EML2: variants seen among roughly 807,000 people sequenced by gnomAD.
EML2 encodes EMAP like 2.
In EML2, 59 loss-of-function variants were observed where a neutral mutation model predicts 84.7. The observed-to-expected ratio is 0.70, with a 90% CI of 0.56 to 0.86. The LOEUF (loss-of-function observed/expected upper bound fraction) is 0.86, where lower values mean the gene tolerates loss of function less well. EML2 is among the 40% of genes least tolerant of loss of function. The pLI is 0.00. For synonymous variants in EML2, 352 were observed against 348.9 expected (o/e 1.01, Z -0.10); for missense variants, 818 against 855.6 (o/e 0.96, Z 0.55).
intron 11 of EML2, among the ~76,000 whole-genome samples, chr19:45,620,636 AG>A (rs1971571322): frequency 6.7e-6 from 1 of 149,876 alleles, no homozygotes; most frequent in African/African-American, 2.5e-5. Context: ...TTGAAGCGGG[AG>A]GCAGAGTTTG....
upstream of EML2, chr19:45,639,886 T>TG (rs1974254841): frequency 6.6e-6 from 1 of 152,080 alleles, no homozygotes; most frequent in South Asian, 2.1e-4. Flanking sequence ...CCCAGCTACT[T>TG]GGGAGGCTGA....
intron 9 of EML2, chr19:45,623,369 A>C (rs992312314): frequency 2.0e-5 from 3 of 151,494 alleles, no homozygotes; most frequent in Non-Finnish European, 2.9e-5. Flanking sequence ...CCTCATCTCT[A>C]CAACAAATAC....
At chr19:45,630,320 G>A (rs781419582) in intron 6 of EML2, among the ~76,000 whole-genome samples, 1 of 152,078 alleles carries the variant, frequency 6.6e-6, no homozygotes, top group Non-Finnish European at 1.5e-5. Flanking sequence ...TTGGGAGGCC[G>A]AGGCAGGTGG....
chr19:45,613,165 T>G (rs2122596677), intron 18 of EML2, among the ~76,000 whole-genome samples: 1 of 152,280 alleles, frequency 6.6e-6, no homozygotes, highest in East Asian at 1.9e-4. Context: ...TTGCAAAGTG[T>G]TGCGATTACA....
chr19:45,643,651 A>T (rs1974800687), upstream of EML2: 17 of 1,535,986 alleles, frequency 1.1e-5, no homozygotes, highest in Non-Finnish European at 1.5e-5. Context: ...GGTAGCTTAG[A>T]CGGGGACAGG....
chr19:45,630,034 G>T lies in EML2; in HGVS notation c.523C>A (p.Leu175Met). Residue 175 changes from leucine to methionine, a missense_variant, in exon 7 of 19, where the codon CTG (leucine) becomes ATG (methionine). By Grantham distance (15) the Leu-to-Met change is conservative. Transcript: ENST00000245925. The part of the protein sequence containing the change: ...VGFSKSNGGN[L>M]LCAVDESNDH... ...TTGGATTCATCCACTGCACACAGCA[G>T]GTTGCCTCCATTCTAAAGAGGAGGA... 2 of 1,612,532 alleles carry T rather than the reference G, an allele frequency of 1.2e-6. No homozygotes were observed. The highest frequency in any genetic ancestry group is 2.2e-5 in the South Asian group (2 of 91,024).
Position 45,634,417 on chromosome 19 carries a change from C to T in EML2, c.234G>A (p.Gly78=). ...CGGAGGCCACAAAGTACACTATCTC[C>T]CCGGTGGGCAGCAAATAAAGGTTGG... ...CRANLYLLPT[G]EIVYFVASVA... is the part of the protein sequence containing the mutation. Residue 78 remains glycine, a synonymous_variant, in exon 4 of 19, where the codon GGG becomes GGA. Transcript: ENST00000245925. The T allele has an allele frequency of 6.2e-7, 1 of 1,614,032 alleles. No homozygotes were observed. Among genetic ancestry groups the T allele is most frequent in the Non-Finnish European group, 8.5e-7 (1 of 1,179,962 alleles).
intron 16 of EML2, 31 bp downstream of exon 16, chr19:45,615,771 A>C (rs777409752): frequency 1.3e-6 from 2 of 1,561,560 alleles, no homozygotes; most frequent in South Asian, 2.2e-5. Flanking sequence ...GAGACGGAGG[A>C]AGTAATGTCT....
Position 45,626,694 on chromosome 19 carries a change from C to T in EML2, c.741+11G>A, listed in dbSNP as rs780442611. 5 of 1,612,224 alleles carry T rather than the reference C, an allele frequency of 3.1e-6. No homozygotes were observed. The highest frequency in any genetic ancestry group is 2.7e-5 in the African/African-American group (2 of 75,012). ...CAGGGCCAGCCTGTCCCCCAAACCC[C>T]TGGCACTCACCTCAAAGAGGCCTTG... is the stretch of plus-strand genomic sequence containing the variant. On this transcript the variant is annotated intron_variant, in intron 8 of 18. Transcript: ENST00000245925.
intron 18 of EML2, among the ~76,000 whole-genome samples, chr19:45,610,139 T>C (rs575232948): frequency 4.0e-4 from 61 of 152,344 alleles, no homozygotes; most frequent in African/African-American, 1.4e-3. Flanking sequence ...GGCTCACGCC[T>C]GTAATCCCAG....
upstream of EML2, chr19:45,641,331 G>T: frequency 3.3e-6 from 1 of 304,422 alleles, no homozygotes; most frequent in Non-Finnish European, 6.3e-6. Flanking sequence ...AAACTCAACG[G>T]GGCCTCTCCT....
At chr19:45,638,147 T>G (rs747498692) in intron 3 of EML2, among the ~76,000 whole-genome samples, 7 of 152,206 alleles carry the variant, frequency 4.6e-5, no homozygotes, top group Non-Finnish European at 7.3e-5. Context: ...TACACATTAT[T>G]TCACAGGTCT....
intron 7 of EML2, among the ~76,000 whole-genome samples, chr19:45,627,430 T>C (rs1003169361): frequency 6.6e-6 from 1 of 151,454 alleles, no homozygotes; most frequent in Admixed American, 6.6e-5. Flanking sequence ...AATTTTTGTA[T>C]TTTTAGTAGA....
chr19:45,624,834 A>G lies in EML2; in HGVS notation c.742-16T>C. On this transcript the variant is annotated splice_polypyrimidine_tract_variant and intron_variant, in intron 8 of 18. Transcript: ENST00000245925. ...TCTCATGTTTCTAAGGTGGGGGAGG[A>G]AAGGAAGGTGTCAGAGCGTCACTGA... is the stretch of plus-strand genomic sequence containing the variant. The G allele has an allele frequency of 1.3e-6, 2 of 1,591,854 alleles. 1 individual carries two copies. Among genetic ancestry groups the G allele is most frequent in the Middle Eastern group, 3.4e-4 (2 of 5,878 alleles).
chr19:45,641,837 T>C (rs1974542469), upstream of EML2: 3 of 1,497,358 alleles, frequency 2.0e-6, no homozygotes, highest in Admixed American at 2.1e-5. Flanking sequence ...CACCCTCTGC[T>C]GCTGGAGCTC....
In EML2 at chr19:45,624,752, C is replaced by T; in HGVS notation, c.808G>A (p.Asp270Asn). The T allele has an allele frequency of 6.2e-7, 1 of 1,613,884 alleles. No individual in the cohort carries two copies. ...CAAACATAGAGGTTCCCCCCAGAGT[C>T]CCCCGTGACCACGTCGCCACCTTCC... ...FLEGGDVVTG[D>N]SGGNLYVWGK... The change falls in exon 9 of 19, where the codon GAC becomes AAC. Residue 270 changes from aspartate to asparagine, a missense_variant. Coordinates refer to ENST00000245925, the MANE Select transcript of EML2 (RefSeq NM_012155.4).
At chr19:45,610,928 C>T (rs975839764) in intron 18 of EML2, among the ~76,000 whole-genome samples, 4 of 152,078 alleles carry the variant, frequency 2.6e-5, no homozygotes, top group African/African-American at 4.8e-5. Context: ...ATAGCATGCA[C>T]GTGGGGAAGG....
At position 45,621,262 on chromosome 19, in the gene EML2, G is replaced by A. The variant is rs573301702; in HGVS notation, c.1067C>T (p.Thr356Ile). ...GGAGCCCTGCAGGATGGAATTGCGG[G>A]TGGTCCCCACGTACAGTGTGTCTCC... Reference protein sequence around the residue: ...GHGDTLYVGTTRNSILQGSVH... With the variant: ...GHGDTLYVGTIRNSILQGSVH... The change falls in exon 11 of 19, where the codon ACC becomes ATC. Residue 356 changes from threonine to isoleucine, a missense_variant. Physicochemically the swap from Thr to Ile is moderately conservative, Grantham distance 89. Transcript: ENST00000245925. 2 of 1,614,070 alleles carry A rather than the reference G, an allele frequency of 1.2e-6. No homozygotes were observed. Among genetic ancestry groups the A allele is most frequent in the Non-Finnish European group, 1.7e-6 (2 of 1,180,014 alleles).
intron 3 of EML2, among the ~76,000 whole-genome samples, chr19:45,637,698 C>T (rs1171713649): frequency 4.0e-5 from 4 of 100,302 alleles, no homozygotes; most frequent in Non-Finnish European, 5.5e-5. Flanking sequence ...TTTTTTGAGA[C>T]GGAGTTTCAC....
Sources: allele counts gnomAD v4.1 joint callset (sites outside exome capture counted in the v4.1 genomes callset), GRCh38; gene constraint gnomAD v4.1.1; transcripts MANE v1.5; gene names NCBI Gene and HGNC (gene_info 2026-07-23, HGNC 2026-07-21).